RALGAPB: variants seen among roughly 807,000 people sequenced by gnomAD.
RALGAPB encodes the protein ral GTPase-activating protein subunit beta.
A neutral mutation model predicts 161.1 loss-of-function variants in RALGAPB; 25 were observed. That is an observed-to-expected ratio of 0.16 (90% CI 0.11 to 0.22). The LOEUF is 0.22. Ranked by LOEUF, RALGAPB falls within the 10% of genes least tolerant of loss-of-function variation. The probability of loss-of-function intolerance (pLI) is 1.00; values close to 1 mark genes in which losing one functional copy is unlikely to be tolerated. For missense variants in RALGAPB, 1,391 were observed against 1,815.2 expected (o/e 0.77, Z 4.25); for synonymous variants, 629 against 626.1 (o/e 1.00, Z -0.07).
chr20:38,529,165 A>T (rs1379135338), intron 13 of RALGAPB, among the ~76,000 whole-genome samples: 5 of 152,208 alleles, frequency 3.3e-5, no homozygotes, highest in African/African-American at 1.2e-4. Flanking sequence ...AACCTTACCC[A>T]TACCAGTTGA....
At chr20:38,550,476 C>A (rs2087339216) in intron 20 of RALGAPB, among the ~76,000 whole-genome samples, 2 of 152,072 alleles carry the variant, frequency 1.3e-5, no homozygotes, top group South Asian at 4.1e-4. Context: ...CAGAGCACAT[C>A]CTGTCATCAA....
At chr20:38,554,130 G>T in intron 22 of RALGAPB, 54 bp downstream of exon 22, 1 of 1,420,840 alleles carries the variant, frequency 7.0e-7, no homozygotes, top group Non-Finnish European at 9.9e-7. Flanking sequence ...ACATTCAGCT[G>T]ACAATAGCTA....
rs2088522795 is a variant in RALGAPB, at chr20:38,578,689, A to T, written c.*3722A>T. ...ACTGTAAAGTAAAGGCAAAGTGTAA[A>T]TATGAAGGCGTGCCCGTGCCCCTTG... is the stretch of plus-strand genomic sequence containing the variant. On this transcript the variant is annotated 3_prime_UTR_variant, in exon 30 of 30. Transcript: ENST00000262879. The T allele has an allele frequency of 6.5e-6, 1 of 152,676 alleles. No homozygotes were observed. 9.5% of individuals were successfully genotyped at this position (152,676 alleles called of 1,614,324 possible). A position where few individuals can be genotyped will look rare whatever the true frequency, so the allele number is the denominator to read the frequency against.
chr20:38,563,982 T>G (rs2087889251), intron 24 of RALGAPB, among the ~76,000 whole-genome samples: 1 of 152,078 alleles, frequency 6.6e-6, no homozygotes, highest in Non-Finnish European at 1.5e-5. Context: ...ACTCCCCGAA[T>G]CCGGAACTAT....
intron 28 of RALGAPB, among the ~76,000 whole-genome samples, chr20:38,571,992 ATAAT>A (rs1684639219): frequency 6.6e-6 from 1 of 152,120 alleles, no homozygotes; most frequent in Admixed American, 6.5e-5. Context: ...TTTTAATAGT[ATAAT>A]TAATTGCTAT....
intron 3 of RALGAPB, among the ~76,000 whole-genome samples, chr20:38,493,827 T>C (rs2085340927): frequency 1.3e-5 from 2 of 152,222 alleles, no homozygotes; most frequent in East Asian, 3.8e-4. Context: ...TAGGCTCAGG[T>C]GTAAACAGCA....
At chr20:38,530,590 CT>C (rs1600962160) in intron 13 of RALGAPB, among the ~76,000 whole-genome samples, 1 of 149,850 alleles carries the variant, frequency 6.7e-6, no homozygotes, top group East Asian at 2.0e-4. Context: ...TTAAATATTT[CT>C]TTTCTTTCTC....
chr20:38,561,620 A>G (rs2087788830), intron 23 of RALGAPB, among the ~76,000 whole-genome samples: 1 of 152,172 alleles, frequency 6.6e-6, no homozygotes, highest in African/African-American at 2.4e-5. Context: ...GATTTCCCAG[A>G]TGATTTTGAT....
Position 38,526,032 on chromosome 20 carries a change from A to C in RALGAPB, c.2040A>C (p.Gln680His). Residue 680 changes from glutamine to histidine, a missense_variant, in exon 13 of 30, where the codon CAA becomes CAC. This residue lies in a region of RALGAPB where 946 missense variants were observed against 1,257.2 expected (regional missense o/e 0.75). Transcript: ENST00000262879. The part of the protein sequence containing the change: ...LQTETDPNNT[Q>H]MILGAMLNIV... ...CTGAAACGGACCCCAACAACACCCA[A>C]ATGATATTAGGTTTGTATTCACACG... 6.2e-7 allele frequency: 1 copy of C among 1,613,842 alleles called. No homozygotes were observed.
chr20:38,504,747 C>T (rs900525025), intron 5 of RALGAPB, among the ~76,000 whole-genome samples: 2 of 151,950 alleles, frequency 1.3e-5, no homozygotes, highest in Non-Finnish European at 2.9e-5. Context: ...AAAACAACCC[C>T]GTTAAAAAAC....
intron 20 of RALGAPB, among the ~76,000 whole-genome samples, chr20:38,549,847 T>A (rs75656280): frequency 9.9e-5 from 15 of 152,278 alleles, no homozygotes; most frequent in Middle Eastern, 6.8e-3. Context: ...TATACTGCTC[T>A]TTTCATTTAT....
At chr20:38,530,891 A>ATTT (rs35946110) in intron 13 of RALGAPB, among the ~76,000 whole-genome samples, 5 of 141,258 alleles carry the variant, frequency 3.5e-5, no homozygotes, top group Admixed American at 7.0e-5. Flanking sequence ...GTGCCTGGCC[A>ATTT]TTTTTTTTTT....
chr20:38,504,276 CT>C (rs1175656497), intron 5 of RALGAPB, among the ~76,000 whole-genome samples: 2 of 151,846 alleles, frequency 1.3e-5, no homozygotes, highest in African/African-American at 4.9e-5. Context: ...AGAAGTAAAG[CT>C]GCATAACTAC....
chr20:38,492,024 T>C (rs1390919473), intron 2 of RALGAPB, among the ~76,000 whole-genome samples: 1 of 152,164 alleles, frequency 6.6e-6, no homozygotes, highest in Non-Finnish European at 1.5e-5. Context: ...CAAATTGGGG[T>C]TTCTCATAGA....
intron 9 of RALGAPB, among the ~76,000 whole-genome samples, chr20:38,518,338 T>G (rs1269243057): frequency 6.6e-6 from 1 of 152,222 alleles, no homozygotes; most frequent in Non-Finnish European, 1.5e-5. Context: ...TATAAAGAAT[T>G]AAAAATTCGA....
intron 14 of RALGAPB, among the ~76,000 whole-genome samples, chr20:38,532,442 A>C (rs1242626284): frequency 3.9e-5 from 6 of 152,148 alleles, no homozygotes; most frequent in African/African-American, 1.4e-4. Context: ...CCTGGAATCT[A>C]GTGAAGTCTA....
chr20:38,517,709 C>T (rs1488951903), intron 8 of RALGAPB, 55 bp downstream of exon 8: 5 of 1,605,982 alleles, frequency 3.1e-6, no homozygotes, highest in Non-Finnish European at 4.3e-6. Flanking sequence ...TTTAATCTGC[C>T]ATTCTTTTTA....
chr20:38,532,128 T>C (rs753231009), intron 14 of RALGAPB, among the ~76,000 whole-genome samples: 6 of 152,210 alleles, frequency 3.9e-5, no homozygotes, highest in Non-Finnish European at 7.3e-5. Context: ...CAATCTCTGC[T>C]CGCTGCAAAC....
At chr20:38,548,988 A>G (rs1420984696) in intron 20 of RALGAPB, among the ~76,000 whole-genome samples, 193 bp downstream of exon 20, 1 of 152,224 alleles carries the variant, frequency 6.6e-6, no homozygotes, top group Non-Finnish European at 1.5e-5. Context: ...AGACATGTTC[A>G]AGGCAGGTGT....
Sources: allele counts gnomAD v4.1 joint callset (sites outside exome capture counted in the v4.1 genomes callset), GRCh38; gene constraint gnomAD v4.1.1; regional missense constraint gnomAD v4.1.1; transcripts MANE v1.5; gene names NCBI Gene and HGNC (gene_info 2026-07-23, HGNC 2026-07-21).